ZFHX3: variants seen among roughly 807,000 people sequenced by gnomAD.
ZFHX3 encodes the protein zinc finger homeobox protein 3.
In ZFHX3, 42 loss-of-function variants were observed where a neutral mutation model predicts 279.1. The observed-to-expected ratio is 0.15, with a 90% CI of 0.12 to 0.19. ZFHX3 has a LOEUF of 0.19. Among genes scored for constraint, ZFHX3 ranks in the 10% least tolerant of loss-of-function variants. The probability of loss-of-function intolerance (pLI) is 1.00; values close to 1 mark genes in which losing one functional copy is unlikely to be tolerated. For missense variants in ZFHX3, 4,981 were observed against 4,754.0 expected (o/e 1.05, Z -1.40); for synonymous variants, 2,293 against 1,957.8 (o/e 1.17, Z -4.52).
At chr16:73,055,428 C>CAAAA (rs1306764085) in intron 1 of ZFHX3, among the ~76,000 whole-genome samples, 1 of 151,936 alleles carries the variant, frequency 6.6e-6, no homozygotes, top group East Asian at 1.9e-4. Flanking sequence ...AAATATACAC[C>CAAAA]AAAAAATAAA....
At chr16:73,200,445 G>A (rs1220685799) in intron 5 of ZFHX3, among the ~76,000 whole-genome samples, 4 of 152,112 alleles carry the variant, frequency 2.6e-5, no homozygotes, top group Admixed American at 1.3e-4. Flanking sequence ...ATAATCATAT[G>A]AAAAATGATA....
intron 3 of ZFHX3, among the ~76,000 whole-genome samples, chr16:73,325,417 T>G (rs1000700391): frequency 6.6e-6 from 1 of 152,150 alleles, no homozygotes; most frequent in African/African-American, 2.4e-5. Flanking sequence ...CTAATGAATC[T>G]AAGTGCCCTA....
chr16:73,709,237 C>CA (rs2053334004), intron 1 of ZFHX3, among the ~76,000 whole-genome samples: 1 of 151,918 alleles, frequency 6.6e-6, no homozygotes, highest in African/African-American at 2.4e-5. Flanking sequence ...TAGTGGGGTG[C>CA]ACCTGTAGTC....
exon 1 of ZFHX3, chr16:73,891,762 C>G (rs904493039): frequency 6.6e-6 from 1 of 151,892 alleles, no homozygotes; most frequent in Non-Finnish European, 1.5e-5. Flanking sequence ...CTCTCTCTCT[C>G]TCTCTCTCTC....
At chr16:73,783,595 A>C (rs998630063) in intron 1 of ZFHX3, among the ~76,000 whole-genome samples, 7 of 152,208 alleles carry the variant, frequency 4.6e-5, no homozygotes, top group African/African-American at 1.4e-4. Context: ...TATTCTAGGA[A>C]ATTGATGATT....
chr16:72,944,874 T>C (rs2144362640), intron 3 of ZFHX3, among the ~76,000 whole-genome samples: 1 of 152,232 alleles, frequency 6.6e-6, no homozygotes, highest in South Asian at 2.1e-4. Flanking sequence ...ACTAAAAGCA[T>C]TTAGAAAAAA....
At chr16:73,548,796 T>C (rs2020162202) in intron 2 of ZFHX3, among the ~76,000 whole-genome samples, 2 of 152,168 alleles carry the variant, frequency 1.3e-5, no homozygotes, top group African/African-American at 4.8e-5. Flanking sequence ...TGCCTTTGAA[T>C]TGCTATGTAA....
chr16:72,895,346 C>A (rs1253222538), intron 3 of ZFHX3, among the ~76,000 whole-genome samples: 2 of 152,178 alleles, frequency 1.3e-5, no homozygotes, highest in African/African-American at 4.8e-5. Flanking sequence ...TCCAGTATCT[C>A]CCCACAAATT....
chr16:73,128,328 G>A (rs1966608953), intron 7 of ZFHX3, among the ~76,000 whole-genome samples: 3 of 152,172 alleles, frequency 2.0e-5, no homozygotes, highest in African/African-American at 7.2e-5. Flanking sequence ...AATGTTCACA[G>A]GTGCAGGCAC....
intron 5 of ZFHX3, among the ~76,000 whole-genome samples, chr16:73,198,532 T>C (rs940789967): frequency 1.6e-4 from 24 of 152,202 alleles, no homozygotes; most frequent in Non-Finnish European, 2.5e-4. Context: ...CTTTCGTTGA[T>C]TATCGAGAAA....
At chr16:72,930,613 G>C (rs1959735337) in intron 3 of ZFHX3, among the ~76,000 whole-genome samples, 2 of 152,184 alleles carry the variant, frequency 1.3e-5, no homozygotes, top group South Asian at 2.1e-4. Context: ...GCAATTGAAA[G>C]CTACACAGCT....
chr16:73,137,204 G>A (rs1191438952), intron 6 of ZFHX3: 2 of 152,136 alleles, frequency 1.3e-5, no homozygotes, highest in East Asian at 3.8e-4. Context: ...GTGCTATCTG[G>A]ATAAAGTAGA....
chr16:73,199,876 C>A (rs1305582732), intron 5 of ZFHX3, among the ~76,000 whole-genome samples: 2 of 152,096 alleles, frequency 1.3e-5, no homozygotes, highest in African/African-American at 2.4e-5. Context: ...GAATGAAATA[C>A]AGAGTTTTAT....
At chr16:72,851,548 A>C (rs1380751528) in intron 4 of ZFHX3, among the ~76,000 whole-genome samples, 1 of 151,376 alleles carries the variant, frequency 6.6e-6, no homozygotes, top group African/African-American at 2.4e-5. Flanking sequence ...GCACATTTTG[A>C]TTCCAATTTC....
Position 73,543,775 on chromosome 16 carries a change from A to G in ZFHX3, c.-1546-87517T>C, listed in dbSNP as rs537157010. ...CAAGGAATGATGTACTCAGACTGTG[A>G]ATAAATGCGAGTGACCCCCATCTGC... is the stretch of plus-strand genomic sequence containing the variant. On this transcript the variant is annotated intron_variant, in intron 2 of 17. Transcript: ENST00000641206. Among the ~76,000 whole-genome samples, 102 of 151,232 alleles carry G rather than the reference A, an allele frequency of 6.7e-4. 2 individuals are homozygous for G. The South Asian group carries it at 0.02, about 29-fold the overall frequency.
intron 1 of ZFHX3, among the ~76,000 whole-genome samples, chr16:73,781,024 TA>T (rs766850882): frequency 6.6e-6 from 1 of 152,216 alleles, no homozygotes; most frequent in Non-Finnish European, 1.5e-5. Context: ...TCTTCTATAT[TA>T]AAAGCTTTAG....
chr16:72,843,512 CT>C (rs2037399679), intron 4 of ZFHX3, among the ~76,000 whole-genome samples: 1 of 78,480 alleles, frequency 1.3e-5, no homozygotes, highest in Non-Finnish European at 2.3e-5. Context: ...GAGACTCCGT[CT>C]AAAAAAAAAA....
chr16:73,765,825 T>G (rs2053929729), intron 1 of ZFHX3, among the ~76,000 whole-genome samples: 1 of 152,216 alleles, frequency 6.6e-6, no homozygotes, highest in African/African-American at 2.4e-5. Flanking sequence ...CGGATGGAGA[T>G]GTATGTTCTG....
intron 8 of ZFHX3, among the ~76,000 whole-genome samples, chr16:73,071,133 A>G (rs1965822256): frequency 1.3e-5 from 2 of 150,788 alleles, no homozygotes; most frequent in Admixed American, 6.6e-5. Context: ...AATTAAAAAA[A>G]AAAAAAAAAG....
Sources: gnomAD v4.1 joint callset for allele counts (sites outside exome capture counted in the v4.1 genomes callset) on GRCh38, gnomAD v4.1.1 for gene constraint, MANE v1.5 for transcripts, NCBI Gene and HGNC (gene_info 2026-07-23, HGNC 2026-07-21) for gene names.